EEFSEC: variants seen among roughly 807,000 people sequenced by gnomAD.
EEFSEC encodes the protein eukaryotic elongation factor, selenocysteine-tRNA specific.
A neutral mutation model predicts 42.1 loss-of-function variants in EEFSEC; 43 were observed. That is an observed-to-expected ratio of 1.02 (90% confidence interval 0.80 to 1.32). EEFSEC has a LOEUF of 1.32. Ranked by LOEUF, EEFSEC falls within the 40% of genes most tolerant of loss-of-function variation. The pLI is 0.00. For synonymous variants in EEFSEC, 354 were observed against 339.1 expected (o/e 1.04, Z -0.48); for missense variants, 745 against 803.6 (o/e 0.93, Z 0.88).
chr3:128,250,911 G>GTTTTTTTTTTTTTTTTTTTTTTGTTT (rs35594175), intron 2 of EEFSEC, among the ~76,000 whole-genome samples: 2 of 108,552 alleles, frequency 1.8e-5, no homozygotes, highest in African/African-American at 3.5e-5. Context: ...GTTTTTTTTG[G>GTTTTTTTTTTTTTTTTTTTTTTGTTT]TTTTTTTTTT....
intron 4 of EEFSEC, among the ~76,000 whole-genome samples, chr3:128,311,500 G>A (rs56287882): frequency 0.14 from 20,865 of 152,248 alleles, 1,625 homozygotes; most frequent in African/African-American, 0.21. Context: ...GCATGGTCCC[G>A]TGACCTTCAG....
At chr3:128,273,323 A>C (rs2066433514) in intron 4 of EEFSEC, among the ~76,000 whole-genome samples, 1 of 152,210 alleles carries the variant, frequency 6.6e-6, no homozygotes, top group African/African-American at 2.4e-5. Flanking sequence ...GAGGAAGGAC[A>C]GTCGCCAGGC....
At chr3:128,157,406 C>T (rs149504038) in intron 1 of EEFSEC, among the ~76,000 whole-genome samples, 45 of 152,342 alleles carry the variant, frequency 3.0e-4, no homozygotes, top group African/African-American at 8.4e-4. Flanking sequence ...AACAGATTTT[C>T]ACTGTAGATG....
chr3:128,194,945 C>G (rs1172917011), intron 1 of EEFSEC, among the ~76,000 whole-genome samples: 2 of 152,124 alleles, frequency 1.3e-5, no homozygotes, highest in African/African-American at 2.4e-5. Context: ...TCTAAAATTT[C>G]TACAATGAAC....
chr3:128,211,877 T>G (rs1166910279), intron 1 of EEFSEC, among the ~76,000 whole-genome samples: 1 of 63,460 alleles, frequency 1.6e-5, no homozygotes, highest in Non-Finnish European at 3.1e-5. Context: ...TTTTTTTTTT[T>G]GAGACAGAGT....
In EEFSEC at chr3:128,351,774, A is replaced by G. The variant is rs546360835; in HGVS notation, c.1444-6443A>G. 1.3e-4 allele frequency among the ~76,000 whole-genome samples: 20 copies of G among 152,344 alleles called. No individual in the cohort carries two copies. The South Asian group carries it at 4.1e-3, about 32-fold the overall frequency. ...CGTGTAAGCAAGCGCCTGGACTTCC[A>G]TGTGCACAGTGACTGCTCCTCAGGA... On this transcript the variant is annotated intron_variant, in intron 5 of 6. Coordinates refer to ENST00000254730, the MANE Select transcript of EEFSEC (RefSeq NM_021937.5).
intron 1 of EEFSEC, among the ~76,000 whole-genome samples, chr3:128,186,186 G>A (rs1328956642): frequency 6.6e-6 from 1 of 152,124 alleles, no homozygotes; most frequent in Non-Finnish European, 1.5e-5. Flanking sequence ...CCCTGATGGT[G>A]AGTGATATTT....
At chr3:128,172,330 C>G (rs574190305) in intron 1 of EEFSEC, among the ~76,000 whole-genome samples, 1 of 152,316 alleles carries the variant, frequency 6.6e-6, no homozygotes, top group East Asian at 1.9e-4. Context: ...TGGCCTGGGT[C>G]TAGCGGAAAT....
chr3:128,253,363 A>T (rs531015262), intron 2 of EEFSEC, among the ~76,000 whole-genome samples: 5 of 151,928 alleles, frequency 3.3e-5, no homozygotes, highest in Non-Finnish European at 7.4e-5. Context: ...TCTCCTACCC[A>T]TCTCTTTCTC....
At chr3:128,202,035 A>G (rs1270040887) in intron 1 of EEFSEC, among the ~76,000 whole-genome samples, 1 of 151,714 alleles carries the variant, frequency 6.6e-6, no homozygotes, top group Non-Finnish European at 1.5e-5. Context: ...ACTCTATTGT[A>G]CTTTGATTTG....
downstream of EEFSEC, among the ~76,000 whole-genome samples, chr3:128,409,266 A>T (rs1446519971): frequency 6.6e-6 from 1 of 152,194 alleles, no homozygotes; most frequent in Non-Finnish European, 1.5e-5. Context: ...TTATCCCAGT[A>T]ATCGGTGCAT....
chr3:128,168,044 C>T (rs2065258768), intron 1 of EEFSEC, among the ~76,000 whole-genome samples: 2 of 152,264 alleles, frequency 1.3e-5, no homozygotes, highest in East Asian at 1.9e-4. Flanking sequence ...TTGTCTAGGG[C>T]GTCTGTTTTC....
chr3:128,227,129 C>T (rs556939118), intron 1 of EEFSEC, among the ~76,000 whole-genome samples: 26 of 152,326 alleles, frequency 1.7e-4, no homozygotes, highest in Non-Finnish European at 3.1e-4. Flanking sequence ...GAAATGTGAC[C>T]TACCATGCCT....
intron 1 of EEFSEC, among the ~76,000 whole-genome samples, chr3:128,176,334 T>G (rs886964375): frequency 2.6e-5 from 4 of 152,060 alleles, no homozygotes; most frequent in African/African-American, 4.8e-5. Context: ...TATGGGAGCT[T>G]AACTGCGTTG....
rs535042259 is a variant in EEFSEC at position 128,379,687 on chromosome 3, A to G, written c.1600+21314A>G. Among the ~76,000 whole-genome samples the G allele has an allele frequency of 3.3e-4, 50 of 152,326 alleles. 2 individuals are homozygous for G. In the South Asian group the frequency reaches 1.0e-2, roughly 30 times the overall value. ...TCTAGGGGTATCTTTCCTTGCGGCA[A>G]TCGGAGGCCCTGTGATCTGGGAATG... On this transcript the variant is annotated intron_variant, in intron 6 of 6. Transcript: ENST00000254730.
intron 1 of EEFSEC, among the ~76,000 whole-genome samples, chr3:128,165,399 G>C (rs747930674): frequency 6.6e-6 from 1 of 152,120 alleles, no homozygotes; most frequent in Non-Finnish European, 1.5e-5. Context: ...TTCTCCCCTC[G>C]ATTATTTGAG....
At chr3:128,359,212 G>A (rs545784181) in intron 6 of EEFSEC, among the ~76,000 whole-genome samples, 6 of 152,284 alleles carry the variant, frequency 3.9e-5, no homozygotes, top group Non-Finnish European at 8.8e-5. Flanking sequence ...CGAGGGGGAA[G>A]TGAATGTTAA....
the EEFSEC span, among the ~76,000 whole-genome samples, chr3:128,413,737 C>T: frequency 9.2e-5 from 14 of 152,194 alleles, no homozygotes; most frequent in African/African-American, 2.7e-4. Context: ...CCCTGGGGCA[C>T]GGTGCCAGGC....
intron 1 of EEFSEC, among the ~76,000 whole-genome samples, chr3:128,176,018 G>C (rs571442234): frequency 6.6e-6 from 1 of 152,222 alleles, no homozygotes; most frequent in Non-Finnish European, 1.5e-5. Context: ...GTTTTCGTGT[G>C]TGTGAGAATC....
Sources: allele counts gnomAD v4.1 joint callset (sites outside exome capture counted in the v4.1 genomes callset), GRCh38; gene constraint gnomAD v4.1.1; transcripts MANE v1.5; gene names NCBI Gene and HGNC (gene_info 2026-07-23, HGNC 2026-07-21).